The following EFNB1 variants were observed in gnomAD, a reference collection of about 807,000 sequenced individuals.
EFNB1 encodes the protein ephrin-B1.
In EFNB1, 1 loss-of-function variant was observed where a neutral mutation model predicts 18.1. That is an observed-to-expected ratio of 0.06 (90% CI 0.02 to 0.26). The LOEUF (loss-of-function observed/expected upper bound fraction) is 0.26, where lower values mean the gene tolerates loss of function less well. Among genes scored for constraint, EFNB1 ranks in the 10% least tolerant of loss-of-function variants. The pLI is 1.00. For missense variants in EFNB1, 221 were observed against 301.8 expected (o/e 0.73, Z 1.98); for synonymous variants, 131 against 127.5 (o/e 1.03, Z -0.19).
chrX:68,840,630 G>A lies in EFNB1; in HGVS notation c.1017G>A (p.Pro339=), dbSNP rs773654970. The change falls in exon 5 of 5, where the codon CCG becomes CCA. Residue 339 remains proline, a synonymous_variant. Coordinates refer to ENST00000204961, the MANE Select transcript of EFNB1 (RefSeq NM_004429.5). Reference sequence around the variant, plus strand: ...TCCAAGAGATGCCGCCCCAGAGCCCGGCGAACATCTACTACAAGGTCTGAG... The same window carrying A: ...TCCAAGAGATGCCGCCCCAGAGCCCAGCGAACATCTACTACAAGGTCTGAG... The part of the protein sequence containing the change: ...YIVQEMPPQS[P]ANIYYKV 67 of 1,207,950 alleles carry A rather than the reference G, an allele frequency of 5.5e-5. No homozygotes were observed. Among genetic ancestry groups the A allele is most frequent in the South Asian group, 2.3e-4 (13 of 56,074 alleles).
At chrX:68,835,043 A>G (rs2080457002) in intron 1 of EFNB1, among the ~76,000 whole-genome samples, 1 of 112,327 alleles carries the variant, frequency 8.9e-6, no homozygotes, top group African/African-American at 3.2e-5. Flanking sequence ...CAGGCTTTTC[A>G]TATCCCAGGA....
intron 1 of EFNB1, among the ~76,000 whole-genome samples, chrX:68,832,973 C>T (rs2080450719): frequency 9.0e-6 from 1 of 110,870 alleles, no homozygotes; most frequent in African/African-American, 3.3e-5. Context: ...AGTTCAGTCT[C>T]TCAGTCCCGT....
In EFNB1 at chrX:68,829,962, C is replaced by T. The variant is rs1312546409; in HGVS notation, c.128+58C>T. 1.6e-5 allele frequency: 19 copies of T among 1,157,821 alleles called. No individual in the cohort carries two copies. The Admixed American group carries it at 4.9e-4, about 30-fold the overall frequency. ...GGGAGGCACTCCTTCAGGGTGAGGC[C>T]GCACGCCCCGGAGTGCATGTGGGGA... On this transcript the variant is annotated intron_variant, in intron 1 of 4. Transcript: ENST00000204961.
intron 1 of EFNB1, among the ~76,000 whole-genome samples, chrX:68,832,794 A>T (rs1000190770): frequency 1.6e-4 from 14 of 87,519 alleles, no homozygotes; most frequent in Admixed American, 1.6e-3. Flanking sequence ...AGTTTTTTTT[A>T]GGAACCTCTG....
At chrX:68,830,864 C>CCCA (rs762499229) in intron 1 of EFNB1, among the ~76,000 whole-genome samples, 3 of 111,832 alleles carry the variant, frequency 2.7e-5, no homozygotes, top group African/African-American at 6.5e-5. Flanking sequence ...GCACAACTAC[C>CCCA]CCACCACCAC....
chrX:68,829,955 G>A, intron 1 of EFNB1, 51 bp downstream of exon 1: 4 of 1,163,649 alleles, frequency 3.4e-6, no homozygotes. Flanking sequence ...CTCCTTCAGG[G>A]TGAGGCCGCA....
At chrX:68,832,618 G>A (rs1296136567) in intron 1 of EFNB1, among the ~76,000 whole-genome samples, 1 of 111,784 alleles carries the variant, frequency 8.9e-6, no homozygotes, top group Non-Finnish European at 1.9e-5. Flanking sequence ...GACTGAGAGG[G>A]GAAGCGGGAA....
chrX:68,833,455 C>T (rs1388724382), intron 1 of EFNB1, among the ~76,000 whole-genome samples: 1 of 98,108 alleles, frequency 1.0e-5, no homozygotes, highest in African/African-American at 3.3e-5. Flanking sequence ...CTTGGGCTCT[C>T]TGTTGTCTCA....
rs1037110107 is a variant in EFNB1 at position 68,829,739 on chromosome X, C to A, written c.-38C>A. On this transcript the variant is annotated 5_prime_UTR_variant, in exon 1 of 5. Coordinates refer to ENST00000204961, the MANE Select transcript of EFNB1 (RefSeq NM_004429.5). The stretch of plus-strand genomic sequence containing the variant: ...GGCGAGGCGAGCTTTGGTGAGGAGG[C>A]GCCAAGGGATCCCGAAGTGCAGTCT... 1 of 1,174,699 alleles carries A rather than the reference C, an allele frequency of 8.5e-7. No individual in the cohort carries two copies. Among genetic ancestry groups the A allele is most frequent in the Non-Finnish European group, 1.1e-6 (1 of 877,111 alleles).
chrX:68,839,548 T>C, intron 2 of EFNB1, 116 bp from the exon 3 acceptor site: 1 of 671,888 alleles, frequency 1.5e-6, no homozygotes, highest in Non-Finnish European at 2.4e-6. Flanking sequence ...GCTGCTTGCT[T>C]CTCCCGACTG....
chrX:68,838,830 C>T lies in EFNB1; in HGVS notation c.342C>T (p.Phe114=), dbSNP rs1335099231. 8.3e-7 allele frequency: 1 copy of T among 1,203,958 alleles called. No individual in the cohort carries two copies. The highest frequency in any genetic ancestry group is 3.0e-5 in the East Asian group (1 of 33,489). The change falls in exon 2 of 5, where the codon TTC becomes TTT. Residue 114 remains phenylalanine, a synonymous_variant. Coordinates refer to ENST00000204961, the MANE Select transcript of EFNB1 (RefSeq NM_004429.5). ...AGGAAATACGCTTTACCATCAAGTT[C>T]CAGGAGTTCAGCCCCAACTACATGG... ...PEQEIRFTIK[F]QEFSPNYMGL... is the part of the protein sequence containing the mutation.
chrX:68,839,679 G>C lies in EFNB1; in HGVS notation c.422G>C (p.Ser141Thr), dbSNP rs142430452. 461 of 1,209,997 alleles carry C rather than the reference G, an allele frequency of 3.8e-4. No individual in the cohort carries two copies. Among genetic ancestry groups the C allele is most frequent in the Non-Finnish European group, 4.9e-4 (441 of 895,105 alleles). Residue 141 changes from serine (S) to threonine (T), a missense_variant, in exon 3 of 5, where the codon AGC becomes ACC. Transcript: ENST00000204961. The stretch of plus-strand genomic sequence containing the variant: ...CTTCCTGCAGCAACATCCAATGGAA[G>C]CCTGGAGGGGCTGGAAAACCGGGAG... ...DYYITSTSNG[S>T]LEGLENREGG... is the part of the protein sequence containing the mutation.
chrX:68,829,519 C>A lies in EFNB1; in HGVS notation c.-258C>A. On this transcript the variant is annotated 5_prime_UTR_variant, in exon 1 of 5. Coordinates refer to ENST00000204961, the MANE Select transcript of EFNB1 (RefSeq NM_004429.5). ...AGAGCCCCCGTCGCGCCTCGTGCGGCAGCGGAGAGCCCAGGAGAACGAGCC... is the reference window on the plus strand; with the variant it reads ...AGAGCCCCCGTCGCGCCTCGTGCGGAAGCGGAGAGCCCAGGAGAACGAGCC... The A allele has an allele frequency of 2.5e-6, 1 of 407,281 alleles. No individual in the cohort carries two copies. Among genetic ancestry groups the A allele is most frequent in the Non-Finnish European group, 4.2e-6 (1 of 236,571 alleles). The allele number at this position is 407,281 out of a possible 1,213,427, so 33.6% of individuals were successfully genotyped here. A position where few individuals can be genotyped will look rare whatever the true frequency, so the allele number is the denominator to read the frequency against.
chrX:68,835,335 GA>G (rs1178869449), intron 1 of EFNB1, among the ~76,000 whole-genome samples: 1 of 111,477 alleles, frequency 9.0e-6, no homozygotes, highest in Non-Finnish European at 1.9e-5. Context: ...GCCCCAGACA[GA>G]AAAGCTTGGC....
In EFNB1 at chrX:68,839,670, C is replaced by G; in HGVS notation, c.413C>G (p.Ser138Cys). The change falls in exon 3 of 5, where the codon TCC (serine) becomes TGC (cysteine). Residue 138 changes from serine (S) to cysteine (C), a missense_variant. Coordinates refer to ENST00000204961, the MANE Select transcript of EFNB1 (RefSeq NM_004429.5). ...KHHDYYITST[S>C]NGSLEGLENR... Reference sequence around the variant, plus strand: ...CTCTGGCCTCTTCCTGCAGCAACATCCAATGGAAGCCTGGAGGGGCTGGAA... The same window carrying G: ...CTCTGGCCTCTTCCTGCAGCAACATGCAATGGAAGCCTGGAGGGGCTGGAA... 8.3e-7 allele frequency: 1 copy of G among 1,211,054 alleles called. No individual in the cohort carries two copies. The highest frequency in any genetic ancestry group is 1.1e-6 in the Non-Finnish European group (1 of 895,063).
chrX:68,839,191 A>G (rs181551109), intron 2 of EFNB1, among the ~76,000 whole-genome samples: 1 of 112,514 alleles, frequency 8.9e-6, no homozygotes, highest in African/African-American at 3.2e-5. Flanking sequence ...ATGGTAACAT[A>G]TGCCAGGCCC....
In EFNB1 at chrX:68,840,514, G is replaced by T; in HGVS notation, c.901G>T (p.Asp301Tyr). The T allele has an allele frequency of 8.3e-7, 1 of 1,211,396 alleles. No homozygotes were observed. The highest frequency in any genetic ancestry group is 1.1e-6 in the Non-Finnish European group (1 of 895,251). ...TGGCACAGCGGGCACCGAGCCCAGC[G>T]ACATCATCATTCCCTTACGGACTAC... ...GSGTAGTEPS[D>Y]IIIPLRTTEN... Residue 301 changes from aspartate to tyrosine, a missense_variant, in exon 5 of 5, where the codon GAC becomes TAC. By Grantham distance (160) the Asp-to-Tyr change is radical. Transcript: ENST00000204961.
At chrX:68,840,116 G>A (rs1260757248) in intron 4 of EFNB1, 28 bp downstream of exon 4, 1 of 1,211,865 alleles carries the variant, frequency 8.3e-7, no homozygotes. Context: ...CCAGAGGTCA[G>A]GAGCCATTGC....
rs368466261 is a variant in EFNB1 at position 68,839,788 on chromosome X, C to G, written c.499+32C>G. The stretch of plus-strand genomic sequence containing the variant: ...GCCTAGTCTGAGGGTCCCCTCACCC[C>G]ACCCTGTTTGACCTTTGGAACAGAT... On this transcript the variant is annotated intron_variant, in intron 3 of 4. Transcript: ENST00000204961. 50 of 1,188,445 alleles carry G rather than the reference C, an allele frequency of 4.2e-5. No homozygotes were observed. The African/African-American group carries it at 7.5e-4, about 18-fold the overall frequency.
Sources: gnomAD v4.1 joint callset for allele counts (sites outside exome capture counted in the v4.1 genomes callset) on GRCh38, gnomAD v4.1.1 for gene constraint, MANE v1.5 for transcripts, NCBI Gene and HGNC (gene_info 2026-07-23, HGNC 2026-07-21) for gene names.